Variants in TMEM232 observed in about 807,000 individuals in gnomAD.
The protein encoded by TMEM232 is transmembrane protein 232.
A neutral mutation model predicts 78.8 loss-of-function variants in TMEM232; 80 were observed. That is an observed-to-expected ratio of 1.01 (90% CI 0.85 to 1.22). The LOEUF (loss-of-function observed/expected upper bound fraction) is 1.22, where lower values mean the gene tolerates loss of function less well. Ranked by LOEUF, TMEM232 falls within the 50% of genes most tolerant of loss-of-function variation. The pLI, the probability that TMEM232 is intolerant of heterozygous loss-of-function variation, is 0.00. For synonymous variants in TMEM232, 297 were observed against 254.3 expected, an observed-to-expected ratio of 1.17 and a Z score of -1.60; for missense variants, 881 against 742.2, an observed-to-expected ratio of 1.19 and a Z score of -2.17.
intron 10 of TMEM232, among the ~76,000 whole-genome samples, chr5:110,572,407 GT>G (rs1190801722): frequency 6.6e-6 from 1 of 151,946 alleles, no homozygotes; most frequent in East Asian, 1.9e-4. Flanking sequence ...GAAAAAATAA[GT>G]TTTTGAACAA....
At chr5:110,542,171 T>C (rs1773218404) in intron 11 of TMEM232, among the ~76,000 whole-genome samples, 1 of 152,134 alleles carries the variant, frequency 6.6e-6, no homozygotes, top group Admixed American at 6.6e-5. Context: ...AGCCAAAAGA[T>C]AAGTAAATGC....
chr5:110,731,214 G>A (rs1798649171), upstream of TMEM232, among the ~76,000 whole-genome samples: 1 of 152,208 alleles, frequency 6.6e-6, no homozygotes, highest in South Asian at 2.1e-4. Context: ...CCACCCCTGT[G>A]GCTGTGCAGG....
chr5:110,556,304 CTTCCTTCCTTTCTTCT>C (rs935902265), intron 11 of TMEM232, among the ~76,000 whole-genome samples: 5 of 151,302 alleles, frequency 3.3e-5, no homozygotes, highest in Non-Finnish European at 5.9e-5. Context: ...CCTTCTCCTC[CTTCCTTCCTTTCTTCT>C]TTCCTTCCTC....
intron 1 of TMEM232, among the ~76,000 whole-genome samples, chr5:110,677,183 G>A (rs1210004920): frequency 6.6e-6 from 1 of 151,730 alleles, no homozygotes; most frequent in Non-Finnish European, 1.5e-5. Context: ...GGCCATTTGT[G>A]TATCTTCTTT....
intron 5 of TMEM232, among the ~76,000 whole-genome samples, chr5:110,631,045 C>T (rs1785057215): frequency 6.6e-6 from 1 of 152,042 alleles, no homozygotes. Flanking sequence ...GGGGCTGCAT[C>T]CTCCCTTTAG....
At chr5:110,393,882 C>T (rs187906603) in intron 3 of TMEM232, among the ~76,000 whole-genome samples, 2 of 147,242 alleles carry the variant, frequency 1.4e-5, no homozygotes, top group Admixed American at 7.0e-5. Flanking sequence ...CACTTGAACC[C>T]GGGAGGCAGA....
chr5:110,484,364 T>C (rs1266431508), intron 12 of TMEM232, among the ~76,000 whole-genome samples: 5 of 151,846 alleles, frequency 3.3e-5, no homozygotes, highest in African/African-American at 7.3e-5. Flanking sequence ...AAGAGTTTAA[T>C]GCACTAAAAA....
chr5:110,507,590 C>G (rs914269611), intron 12 of TMEM232, among the ~76,000 whole-genome samples: 6 of 152,178 alleles, frequency 3.9e-5, no homozygotes, highest in Admixed American at 3.3e-4. Flanking sequence ...ATTGCCCCTC[C>G]TAAGCCCATG....
intron 12 of TMEM232, among the ~76,000 whole-genome samples, chr5:110,491,749 A>T (rs1431588310): frequency 6.6e-6 from 1 of 152,014 alleles, no homozygotes; most frequent in Non-Finnish European, 1.5e-5. Flanking sequence ...AACAAGGTTA[A>T]AGACGAGGAA....
At chr5:110,589,634 C>T (rs1779266325) in intron 10 of TMEM232, among the ~76,000 whole-genome samples, 1 of 151,974 alleles carries the variant, frequency 6.6e-6, no homozygotes, top group Non-Finnish European at 1.5e-5. Flanking sequence ...CTTTTATTGC[C>T]TCAGTTTTCT....
chr5:110,471,546 T>C (rs1580818282), intron 12 of TMEM232, among the ~76,000 whole-genome samples: 1 of 151,720 alleles, frequency 6.6e-6, no homozygotes, highest in Non-Finnish European at 1.5e-5. Context: ...TCCATTATGA[T>C]ATCAGTGAAC....
intron 10 of TMEM232, among the ~76,000 whole-genome samples, chr5:110,569,607 T>C (rs950065285): frequency 6.6e-6 from 1 of 151,886 alleles, no homozygotes; most frequent in Admixed American, 6.6e-5. Flanking sequence ...TGACAGTCCA[T>C]TGATGATTAT....
chr5:110,543,273 G>A (rs978746507), intron 11 of TMEM232, among the ~76,000 whole-genome samples: 2 of 152,152 alleles, frequency 1.3e-5, no homozygotes, highest in African/African-American at 4.8e-5. Context: ...GCAAAATGAA[G>A]ATATTCCCAC....
At position 110,638,221 on chromosome 5, in the gene TMEM232, A is replaced by AAT. The variant is rs1295748923; in HGVS notation, c.476_477dup (p.Ser160IlefsTer5). 3 of 1,544,430 alleles carry AAT rather than the reference A, an allele frequency of 1.9e-6. No homozygotes were observed. The highest frequency in any genetic ancestry group is 2.6e-6 in the Non-Finnish European group (3 of 1,144,588). ...ACCTTTGCTAGCTTTATTTCAACTG[A>AAT]ATATAAATATGTTTTGAGGGATGCA... On this transcript the variant is annotated frameshift_variant, in exon 5 of 14. Coordinates refer to ENST00000455884, the MANE Select transcript of TMEM232 (RefSeq NM_001039763.4). LOFTEE classifies it high-confidence loss of function.
rs749643657 is a variant in TMEM232 at position 110,721,669 on chromosome 5, G to GTATA, written c.-13+4957_-13+4958insTATA. ...GTCTGCATATCATGTGTGTGTGTGT[G>GTATA]TGTGTATATATATATCTGTGTGTGT... On this transcript the variant is annotated intron_variant, in intron 1 of 13. Transcript: ENST00000455884. 3.4e-4 allele frequency among the ~76,000 whole-genome samples: 8 copies of GTATA among 23,860 alleles called. 1 individual carries two copies. The highest frequency in any genetic ancestry group is 6.3e-4 in the African/African-American group (8 of 12,732). 15.7% of individuals were successfully genotyped at this position (23,860 alleles called of 152,430 possible).
chr5:110,628,713 TCTTA>T (rs1235670891), intron 5 of TMEM232, among the ~76,000 whole-genome samples: 3 of 149,496 alleles, frequency 2.0e-5, no homozygotes, highest in Admixed American at 2.0e-4. Flanking sequence ...CTCAAAATCC[TCTTA>T]ACAGCAATGC....
chr5:110,503,524 G>C (rs1049633846), intron 12 of TMEM232, among the ~76,000 whole-genome samples: 1 of 152,090 alleles, frequency 6.6e-6, no homozygotes, highest in African/African-American at 2.4e-5. Context: ...GAAGATCAGG[G>C]TGCTGAGGGA....
Position 110,680,396 on chromosome 5 carries a change from C to CAAAAAAAAAAAAAAAAAA in TMEM232, c.-12-13050_-12-13033dup. Among the ~76,000 whole-genome samples, 2 of 24,660 alleles carry CAAAAAAAAAAAAAAAAAA rather than the reference C, an allele frequency of 8.1e-5. 1 individual carries two copies. Among genetic ancestry groups the CAAAAAAAAAAAAAAAAAA allele is most frequent in the Non-Finnish European group, 1.7e-4 (2 of 12,110 alleles). The allele number at this position is 24,660 out of a possible 152,430, so 16.2% of individuals were successfully genotyped here. Reference sequence around the variant, plus strand: ...TAGGCAACAGAGTGAGACTCTATCTCAAAAAAAAAAAAAAAAAAAAAAAAA... The same window carrying CAAAAAAAAAAAAAAAAAA: ...TAGGCAACAGAGTGAGACTCTATCTCAAAAAAAAAAAAAAAAAAAAAAAAAAAAAAAAAAAAAAAAAAA... On this transcript the variant is annotated intron_variant, in intron 1 of 13. Coordinates refer to ENST00000455884, the MANE Select transcript of TMEM232 (RefSeq NM_001039763.4).
At chr5:110,709,361 A>G (rs950723645) in intron 1 of TMEM232, among the ~76,000 whole-genome samples, 1 of 152,124 alleles carries the variant, frequency 6.6e-6, no homozygotes, top group African/African-American at 2.4e-5. Flanking sequence ...ATCAAATTTA[A>G]TTAGCACTAT....
Sources: allele counts gnomAD v4.1 joint callset (sites outside exome capture counted in the v4.1 genomes callset), GRCh38; gene constraint gnomAD v4.1.1; transcripts MANE v1.5; gene names NCBI Gene and HGNC (gene_info 2026-07-23, HGNC 2026-07-21).